Variants in RGS6 observed in about 807,000 individuals in gnomAD.
The protein encoded by RGS6 is regulator of G protein signaling 6.
RGS6 carries 30 observed loss-of-function variants against 78.5 expected under a neutral mutation model. The ratio of observed to expected loss-of-function variants is 0.38; its 90% CI spans 0.29 to 0.52. The LOEUF is 0.52. Among genes scored for constraint, RGS6 ranks in the 20% least tolerant of loss-of-function variants. The probability of loss-of-function intolerance (pLI) is 0.85; values close to 1 mark genes in which losing one functional copy is unlikely to be tolerated. For synonymous variants in RGS6, 206 were observed against 206.0 expected (o/e 1.00, Z 0.00); for missense variants, 495 against 609.7 (o/e 0.81, Z 1.98).
chr14:72,477,877 A>G (rs1043475478), intron 11 of RGS6, among the ~76,000 whole-genome samples: 2 of 152,116 alleles, frequency 1.3e-5, no homozygotes, highest in African/African-American at 4.8e-5. Flanking sequence ...TGCCAAGGAC[A>G]TGGGTGTGAC....
At position 72,239,627 on chromosome 14, in the gene RGS6, A is replaced by T. The variant is rs182932137; in HGVS notation, c.85-112468A>T. On this transcript the variant is annotated intron_variant, in intron 2 of 17. Transcript: ENST00000553525. ...TTGACACCAGTAATCTGATAGCAGGATCAGGAAGCTGCTTCTTGAGGACAG... is the reference window on the plus strand; with the variant it reads ...TTGACACCAGTAATCTGATAGCAGGTTCAGGAAGCTGCTTCTTGAGGACAG... Among the ~76,000 whole-genome samples, 34 of 152,290 alleles carry T rather than the reference A, an allele frequency of 2.2e-4. 1 individual carries two copies. The East Asian group carries it at 6.4e-3, about 29-fold the overall frequency.
intron 2 of RGS6, among the ~76,000 whole-genome samples, chr14:72,223,394 T>C (rs2047347648): frequency 6.6e-6 from 1 of 152,222 alleles, no homozygotes; most frequent in East Asian, 1.9e-4. Context: ...TCTCTGATTG[T>C]CACCTCTAAT....
chr14:72,486,169 TC>T (rs1229057331), intron 12 of RGS6, among the ~76,000 whole-genome samples: 2 of 152,030 alleles, frequency 1.3e-5, no homozygotes, highest in Non-Finnish European at 2.9e-5. Context: ...TGCTTCCCCT[TC>T]CCCCATGATT....
At chr14:71,881,390 A>G in the RGS6 span, among the ~76,000 whole-genome samples, 2 of 152,174 alleles carry the variant, frequency 1.3e-5, no homozygotes, top group Non-Finnish European at 2.9e-5. Flanking sequence ...GTGAAATGAT[A>G]TGGTTTGGCT....
At chr14:72,407,458 A>G (rs1018710086) in intron 3 of RGS6, among the ~76,000 whole-genome samples, 1 of 152,222 alleles carries the variant, frequency 6.6e-6, no homozygotes, top group Non-Finnish European at 1.5e-5. Context: ...AGATTTATGT[A>G]AAGAATTGGC....
the RGS6 span, among the ~76,000 whole-genome samples, chr14:72,615,435 G>A: frequency 1.3e-4 from 20 of 152,176 alleles, no homozygotes; most frequent in African/African-American, 3.4e-4. Flanking sequence ...CTTTTTAAGC[G>A]GAGGGTTGAA....
chr14:72,481,156 T>C (rs1436532665), intron 12 of RGS6, among the ~76,000 whole-genome samples: 2 of 152,102 alleles, frequency 1.3e-5, no homozygotes, highest in African/African-American at 4.8e-5. Context: ...TTTACCTCTT[T>C]AGAGGGGAGA....
chr14:72,481,655 A>C lies in RGS6; in HGVS notation c.854+3326A>C, dbSNP rs2096380477. Among the ~76,000 whole-genome samples the C allele has an allele frequency of 2.0e-5, 3 of 152,032 alleles. No individual in the cohort carries two copies. In the South Asian group the frequency reaches 6.2e-4, roughly 32 times the overall value. ...GCCAGCATCGTGGCAACCAAACTGCATTTCCTAGGCTGCCTTTTGCACCTG... is the reference window on the plus strand; with the variant it reads ...GCCAGCATCGTGGCAACCAAACTGCCTTTCCTAGGCTGCCTTTTGCACCTG... On this transcript the variant is annotated intron_variant, in intron 12 of 17. Coordinates refer to ENST00000553525, the MANE Select transcript of RGS6 (RefSeq NM_001204424.2).
the RGS6 span, among the ~76,000 whole-genome samples, chr14:71,875,495 C>G: frequency 1.3e-5 from 2 of 152,130 alleles, no homozygotes; most frequent in Admixed American, 1.3e-4. Context: ...ATGATATCCC[C>G]TTTATCATTT....
Position 72,319,079 on chromosome 14 carries a change from C to A in RGS6, c.85-33016C>A, listed in dbSNP as rs543080336. 5.9e-5 allele frequency among the ~76,000 whole-genome samples: 9 copies of A among 152,130 alleles called. No individual in the cohort carries two copies. The East Asian group carries it at 1.7e-3, about 29-fold the overall frequency. ...GAGGAAAGTAACAATAAAAAGGAAC[C>A]AGCACAGGATATTGTAATATGCCAT... On this transcript the variant is annotated intron_variant, in intron 2 of 17. Transcript: ENST00000553525.
chr14:72,138,187 A>G (rs2153606023), intron 2 of RGS6, among the ~76,000 whole-genome samples: 1 of 152,326 alleles, frequency 6.6e-6, no homozygotes, highest in Admixed American at 6.5e-5. Context: ...GGAATCTTCA[A>G]ATGCCAAGGG....
chr14:72,155,313 G>A (rs555933001), intron 2 of RGS6, among the ~76,000 whole-genome samples: 2 of 152,306 alleles, frequency 1.3e-5, no homozygotes, highest in East Asian at 1.9e-4. Context: ...AACAGTGGCC[G>A]AGGTTAACAT....
intron 2 of RGS6, among the ~76,000 whole-genome samples, chr14:72,236,811 A>T (rs1313000039): frequency 1.3e-5 from 2 of 152,038 alleles, no homozygotes; most frequent in African/African-American, 4.8e-5. Context: ...CGCTGAGCAG[A>T]GGTGCTCCTA....
chr14:72,541,456 T>C, intron 17 of RGS6: 1 of 1,535,364 alleles, frequency 6.5e-7, no homozygotes, highest in Non-Finnish European at 8.7e-7. Flanking sequence ...TGGCCTTTCC[T>C]CATGAGAAAT....
chr14:71,926,662 T>C, the RGS6 span, among the ~76,000 whole-genome samples: 2 of 151,612 alleles, frequency 1.3e-5, no homozygotes, highest in African/African-American at 4.8e-5. Flanking sequence ...CAATACCATG[T>C]GAGTTGAACT....
At chr14:72,204,454 A>C (rs1400167064) in intron 2 of RGS6, among the ~76,000 whole-genome samples, 1 of 152,202 alleles carries the variant, frequency 6.6e-6, no homozygotes, top group East Asian at 1.9e-4. Context: ...AACCTGCCTC[A>C]GTTTCAACCT....
At chr14:72,417,959 A>G (rs1219727121) in intron 3 of RGS6, among the ~76,000 whole-genome samples, 1 of 152,144 alleles carries the variant, frequency 6.6e-6, no homozygotes, top group Non-Finnish European at 1.5e-5. Context: ...GATTTATAGC[A>G]TAGCTTGGGG....
At chr14:72,531,340 C>T (rs559867618) in intron 15 of RGS6, among the ~76,000 whole-genome samples, 89 of 148,750 alleles carry the variant, frequency 6.0e-4, no homozygotes, top group Admixed American at 1.4e-3. Context: ...GGCTGAGGCA[C>T]GAGAATCACT....
At chr14:72,016,396 C>T (rs1002359565) in intron 2 of RGS6, among the ~76,000 whole-genome samples, 4 of 152,246 alleles carry the variant, frequency 2.6e-5, no homozygotes, top group East Asian at 1.9e-4. Context: ...AACGGAGTCT[C>T]GCACTGTTCC....
Sources: allele counts gnomAD v4.1 joint callset (sites outside exome capture counted in the v4.1 genomes callset), GRCh38; gene constraint gnomAD v4.1.1; transcripts MANE v1.5; gene names NCBI Gene and HGNC (gene_info 2026-07-23, HGNC 2026-07-21).